Variants in FGF7 observed in about 807,000 individuals in gnomAD.
FGF7 encodes the protein fibroblast growth factor 7, also known as FGF-7.
Under a neutral mutation model 20.5 loss-of-function variants are expected in FGF7, and 6 were observed. The ratio of observed to expected loss-of-function variants is 0.29; its 90% confidence interval spans 0.16 to 0.58. The LOEUF (loss-of-function observed/expected upper bound fraction) is 0.58, where lower values mean the gene tolerates loss of function less well. Among genes scored for constraint, FGF7 ranks in the 20% least tolerant of loss-of-function variants. The pLI, the probability that FGF7 is intolerant of heterozygous loss-of-function variation, is 0.90. For missense variants in FGF7, 144 were observed against 228.8 expected (o/e 0.63, Z 2.39); for synonymous variants, 64 against 74.7 (o/e 0.86, Z 0.74).
At chr15:49,448,635 T>A (rs2052438680) in intron 2 of FGF7, among the ~76,000 whole-genome samples, 1 of 151,640 alleles carries the variant, frequency 6.6e-6, no homozygotes. Context: ...TATTCTTTGA[T>A]GAGCATATAC....
rs2152035794 is a variant in FGF7 at position 49,486,861 on chromosome 15, AATTCTAGAATATTAAAACT to A, written c.*2358_*2376del. 1 of 152,034 alleles carries A rather than the reference AATTCTAGAATATTAAAACT, an allele frequency of 6.6e-6. No individual in the cohort carries two copies. The highest frequency in any genetic ancestry group is 1.9e-4 in the East Asian group (1 of 5,184). 9.4% of individuals were successfully genotyped at this position (152,034 alleles called of 1,614,324 possible). On this transcript the variant is annotated 3_prime_UTR_variant, in exon 4 of 4. Transcript: ENST00000267843. ...ATTTGCTCTAGTTACACACCTTTAG[AATTCTAGAATATTAAAACT>A]GTAAGGGGCCTCCATCCCTCTTACT...
chr15:49,425,552 T>C (rs1444551112), intron 2 of FGF7: 2 of 151,992 alleles, frequency 1.3e-5, no homozygotes, highest in Non-Finnish European at 2.9e-5. Context: ...TTAATTGTTT[T>C]AAAGTCATTT....
At chr15:49,465,971 G>A (rs1268350417) in intron 2 of FGF7, among the ~76,000 whole-genome samples, 4 of 152,176 alleles carry the variant, frequency 2.6e-5, no homozygotes, top group East Asian at 1.9e-4. Flanking sequence ...TGAAGCATAA[G>A]ATAGTCTCTT....
intron 2 of FGF7, chr15:49,425,181 C>T (rs1381465918): frequency 6.6e-6 from 1 of 151,920 alleles, no homozygotes; most frequent in African/African-American, 2.4e-5. Context: ...GGCAGAAAAA[C>T]AGATCTCTCC....
chr15:49,446,011 G>A (rs931255446), intron 2 of FGF7, among the ~76,000 whole-genome samples: 1 of 151,392 alleles, frequency 6.6e-6, no homozygotes, highest in Non-Finnish European at 1.5e-5. Context: ...TACTGGAATA[G>A]ACATATTTAC....
At chr15:49,471,593 ATAGT>A (rs952175280) in intron 2 of FGF7, among the ~76,000 whole-genome samples, 11 of 151,802 alleles carry the variant, frequency 7.2e-5, no homozygotes, top group Admixed American at 3.3e-4. Context: ...AGTACTGAAC[ATAGT>A]TAAGTAATCA....
intron 2 of FGF7, among the ~76,000 whole-genome samples, chr15:49,475,978 A>G (rs1301553092): frequency 9.2e-5 from 14 of 152,270 alleles, no homozygotes; most frequent in Middle Eastern, 3.4e-3. Context: ...ATTTTGTTAC[A>G]CTTCCTATTC....
At chr15:49,436,947 T>C (rs2051159571) in intron 2 of FGF7, among the ~76,000 whole-genome samples, 1 of 151,632 alleles carries the variant, frequency 6.6e-6, no homozygotes, top group Admixed American at 6.6e-5. Flanking sequence ...AAAAACTTAC[T>C]CCAAGTTTCC....
rs1205757967 is a variant in FGF7 at position 49,485,065 on chromosome 15, T to C, written c.*561T>C. On this transcript the variant is annotated 3_prime_UTR_variant, in exon 4 of 4. Coordinates refer to ENST00000267843, the MANE Select transcript of FGF7 (RefSeq NM_002009.4). ...AAAAAAATTCTCAAAAAAACTATTA[T>C]GAAAGTCAATAAAATAGATAATTTA... 1 of 152,012 alleles carries C rather than the reference T, an allele frequency of 6.6e-6. No individual in the cohort carries two copies. Among genetic ancestry groups the C allele is most frequent in the African/African-American group, 2.4e-5 (1 of 41,398 alleles). 9.4% of individuals were successfully genotyped at this position (152,012 alleles called of 1,614,324 possible). A position where few individuals can be genotyped will look rare whatever the true frequency, so the allele number is the denominator to read the frequency against.
intron 2 of FGF7, among the ~76,000 whole-genome samples, chr15:49,425,746 T>A (rs1239095523): frequency 6.6e-6 from 1 of 151,852 alleles, no homozygotes; most frequent in African/African-American, 2.4e-5. Context: ...ACCTTCTTTT[T>A]AACCATAATT....
chr15:49,438,573 A>G (rs1279835316), intron 2 of FGF7, among the ~76,000 whole-genome samples: 1 of 151,770 alleles, frequency 6.6e-6, no homozygotes, highest in Non-Finnish European at 1.5e-5. Context: ...CATTATATAT[A>G]GCATAGGAGT....
chr15:49,424,274 G>A lies in FGF7; in HGVS notation c.-24G>A. ...GATTCATTTTCATTATGTTATTCAT[G>A]AACACCCGGAGCACTACACTATAAT... On this transcript the variant is annotated 5_prime_UTR_variant, in exon 2 of 4. It removes an upstream start codon present in the reference 5' UTR. Coordinates refer to ENST00000267843, the MANE Select transcript of FGF7 (RefSeq NM_002009.4). 1 of 1,592,768 alleles carries A rather than the reference G, an allele frequency of 6.3e-7. No individual in the cohort carries two copies. Among genetic ancestry groups the A allele is most frequent in the Non-Finnish European group, 8.6e-7 (1 of 1,164,970 alleles).
chr15:49,487,584 A>G lies in FGF7; in HGVS notation c.*3080A>G, dbSNP rs2056506294. ...TTCTCTAGACTGCCAAAGAACATAAAGATGTGCGAGGGGACCTAGCTGTAG... is the reference window on the plus strand; with the variant it reads ...TTCTCTAGACTGCCAAAGAACATAAGGATGTGCGAGGGGACCTAGCTGTAG... On this transcript the variant is annotated 3_prime_UTR_variant, in exon 4 of 4. Coordinates refer to ENST00000267843, the MANE Select transcript of FGF7 (RefSeq NM_002009.4). 1 of 151,898 alleles carries G rather than the reference A, an allele frequency of 6.6e-6. No homozygotes were observed. The highest frequency in any genetic ancestry group is 2.4e-5 in the African/African-American group (1 of 41,404). The allele number at this position is 151,898 out of a possible 1,614,324, so 9.4% of individuals were successfully genotyped here.
intron 2 of FGF7, among the ~76,000 whole-genome samples, chr15:49,479,599 GTTTTTTTTTTT>G (rs56097665): frequency 2.5e-4 from 16 of 63,292 alleles, no homozygotes; most frequent in African/African-American, 6.9e-4. Context: ...TAATACCTCT[GTTTTTTTTTTT>G]TTTTTTTTTT....
intron 2 of FGF7, among the ~76,000 whole-genome samples, chr15:49,430,367 A>G (rs928302753): frequency 5.3e-5 from 8 of 151,784 alleles, no homozygotes; most frequent in Non-Finnish European, 1.0e-4. Context: ...CCTTATGACT[A>G]TGAACTCAGA....
chr15:49,446,031 T>C (rs2052173488), intron 2 of FGF7, among the ~76,000 whole-genome samples: 1 of 151,566 alleles, frequency 6.6e-6, no homozygotes. Context: ...CAATGTTAGT[T>C]TTCTTGTACA....
At chr15:49,477,558 C>T (rs552516261) in intron 2 of FGF7, among the ~76,000 whole-genome samples, 4 of 152,180 alleles carry the variant, frequency 2.6e-5, no homozygotes, top group African/African-American at 9.6e-5. Context: ...ATACGTGTAC[C>T]ATAGTTTGTT....
At position 49,424,250 on chromosome 15, in the gene FGF7, A is replaced by G; in HGVS notation, c.-48A>G. On this transcript the variant is annotated 5_prime_UTR_variant, in exon 2 of 4. Coordinates refer to ENST00000267843, the MANE Select transcript of FGF7 (RefSeq NM_002009.4). The stretch of plus-strand genomic sequence containing the variant: ...ACCTAGGAGTAACAATCAACTCAAG[A>G]TTCATTTTCATTATGTTATTCATGA... 1 of 1,534,554 alleles carries G rather than the reference A, an allele frequency of 6.5e-7. No homozygotes were observed. The highest frequency in any genetic ancestry group is 8.9e-7 in the Non-Finnish European group (1 of 1,117,862).
intron 2 of FGF7, among the ~76,000 whole-genome samples, chr15:49,447,533 G>T (rs980672958): frequency 6.6e-6 from 1 of 151,598 alleles, no homozygotes; most frequent in Non-Finnish European, 1.5e-5. Flanking sequence ...ACTAAGTCTT[G>T]GTAGCATATG....
Sources: gnomAD v4.1 joint callset for allele counts (sites outside exome capture counted in the v4.1 genomes callset) on GRCh38, gnomAD v4.1.1 for gene constraint, MANE v1.5 for transcripts, NCBI Gene and HGNC (gene_info 2026-07-23, HGNC 2026-07-21) for gene names.